The following IQSEC2 variants were observed in gnomAD, a reference collection of about 807,000 sequenced individuals.
The protein encoded by IQSEC2 is IQ motif and SEC7 domain-containing protein 2.
Under a neutral mutation model 74.6 loss-of-function variants are expected in IQSEC2, and 6 were observed. The observed-to-expected ratio is 0.08, with a 90% CI of 0.04 to 0.16. The LOEUF (loss-of-function observed/expected upper bound fraction) is 0.16. Among genes scored for constraint, IQSEC2 ranks in the 10% least tolerant of loss-of-function variants. The probability of loss-of-function intolerance (pLI) is 1.00; values close to 1 mark genes in which losing one functional copy is unlikely to be tolerated. For missense variants in IQSEC2, 734 were observed against 1,306.2 expected (o/e 0.56, Z 6.75); for synonymous variants, 494 against 544.5 (o/e 0.91, Z 1.29).
Position 53,235,091 on chromosome X carries a change from A to G in IQSEC2, c.3595T>C (p.Ser1199Pro). 1.0e-6 allele frequency: 1 copy of G among 979,452 alleles called. No individual in the cohort carries two copies. Among genetic ancestry groups the G allele is most frequent in the Non-Finnish European group, 1.3e-6 (1 of 757,071 alleles). The allele number at this position is 979,452 out of a possible 1,213,427, so 80.7% of individuals were successfully genotyped here. A position where few individuals can be genotyped will look rare whatever the true frequency, so the allele number is the denominator to read the frequency against. Residue 1199 changes from serine (S) to proline (P), a missense_variant, in exon 15 of 15, where the codon TCC (serine) becomes CCC (proline). By Grantham distance (74) the Ser-to-Pro change is moderately conservative (BLOSUM62 -1). Coordinates refer to ENST00000642864, the MANE Select transcript of IQSEC2 (RefSeq NM_001111125.3). Reference sequence around the variant, plus strand: ...GAGCCCAGGAAGGATGAGGAGTTGGAGACGGGCCTCTGGCTCTTGTACTCC... The same window carrying G: ...GAGCCCAGGAAGGATGAGGAGTTGGGGACGGGCCTCTGGCTCTTGTACTCC... ...PEEYKSQRPV[S>P]NSSSFLGSLF...
intron 1 of IQSEC2, among the ~76,000 whole-genome samples, chrX:53,314,857 A>G (rs1019695566): frequency 1.8e-5 from 2 of 111,396 alleles, no homozygotes; most frequent in African/African-American, 3.3e-5. Flanking sequence ...CTAGGAGACC[A>G]TGGCCAAAAT....
Position 53,255,863 on chromosome X carries a change from C to T in IQSEC2, c.936G>A (p.Glu312=), listed in dbSNP as rs2074458569. 1.7e-6 allele frequency: 2 copies of T among 1,203,864 alleles called. No individual in the cohort carries two copies. Among genetic ancestry groups the T allele is most frequent in the African/African-American group, 3.5e-5 (2 of 57,745 alleles). The part of the protein sequence containing the change: ...SVALRKQEEE[E]IKRSKALSDS... ...CCGATAGGGCCTTGGAGCGCTTTAT[C>T]TCCTCCTCCTCCTGCTTCCTCAGGG... Residue 312 remains glutamate, a synonymous_variant, in exon 3 of 15, where the codon GAG becomes GAA. Transcript: ENST00000642864.
intron 1 of IQSEC2, among the ~76,000 whole-genome samples, chrX:53,306,581 C>A (rs1295751873): frequency 9.0e-6 from 1 of 111,599 alleles, no homozygotes; most frequent in Non-Finnish European, 1.9e-5. Context: ...CAGTTTCAGT[C>A]TGGGTTGAAA....
At chrX:53,272,786 A>G (rs962166303) in intron 2 of IQSEC2, among the ~76,000 whole-genome samples, 1 of 111,842 alleles carries the variant, frequency 8.9e-6, no homozygotes, top group South Asian at 3.8e-4. Context: ...TACTCCTCTC[A>G]GCCTTCTCAT....
chrX:53,297,056 G>A (rs1242601350), intron 1 of IQSEC2, among the ~76,000 whole-genome samples: 3 of 108,143 alleles, frequency 2.8e-5, no homozygotes, highest in African/African-American at 1.0e-4. Flanking sequence ...GATGGAGTGC[G>A]GTGGCACAAT....
In IQSEC2 at chrX:53,239,257, G is replaced by A; in HGVS notation, c.3053C>T (p.Thr1018Met). Residue 1018 changes from threonine to methionine, a missense_variant, in exon 11 of 15, where the codon ACG (threonine) becomes ATG (methionine). Coordinates refer to ENST00000642864, the MANE Select transcript of IQSEC2 (RefSeq NM_001111125.3). ...KIFQKKKILV[T>M]YSFRQSFPLV... ...GGGGAAAGACTGACGGAAACTGTAC[G>A]TCACCAAGATCTTCTTCTTCTGGAA... is the stretch of plus-strand genomic sequence containing the variant. 2.5e-6 allele frequency: 3 copies of A among 1,210,087 alleles called. No individual in the cohort carries two copies. Among genetic ancestry groups the A allele is most frequent in the Non-Finnish European group, 2.2e-6 (2 of 894,207 alleles).
chrX:53,312,017 G>A (rs1370419134), intron 1 of IQSEC2, among the ~76,000 whole-genome samples: 3 of 111,473 alleles, frequency 2.7e-5, no homozygotes, highest in Non-Finnish European at 5.7e-5. Flanking sequence ...CAACCCTCCA[G>A]ACTCCCCTGC....
intron 4 of IQSEC2, among the ~76,000 whole-genome samples, chrX:53,252,393 T>C (rs1258284694): frequency 9.5e-5 from 10 of 104,996 alleles, no homozygotes; most frequent in Non-Finnish European, 1.8e-4. Flanking sequence ...AAAAAAAAAC[T>C]GCAAAACATT....
chrX:53,268,266 G>A (rs1257643547), intron 2 of IQSEC2, among the ~76,000 whole-genome samples: 3 of 111,348 alleles, frequency 2.7e-5, no homozygotes, highest in Admixed American at 9.5e-5. Flanking sequence ...GGGAAGGAAC[G>A]CAGACAGGGA....
intron 2 of IQSEC2, among the ~76,000 whole-genome samples, chrX:53,274,452 C>CTTTTTTTTTTTTTT (rs66510453): frequency 4.2e-5 from 2 of 47,113 alleles, no homozygotes; most frequent in African/African-American, 1.9e-4. Flanking sequence ...AGTTACATTT[C>CTTTTTTTTTTTTTT]TTTTTTTTTT....
intron 9 of IQSEC2, among the ~76,000 whole-genome samples, chrX:53,243,113 A>G (rs1429838982): frequency 8.9e-6 from 1 of 112,133 alleles, no homozygotes; most frequent in Non-Finnish European, 1.9e-5. Context: ...GCAAAGCCGG[A>G]GGTGAAAAGG....
In IQSEC2 at chrX:53,250,400, C is replaced by T. The variant is rs1556863005; in HGVS notation, c.2176G>A (p.Ala726Thr). ...SSRDSLREPP[A>T]TGLCKQTYQR... ...TAAGTCTGCTTGCACAGGCCGGTAGCCGGAGGCTCCCTTAGACTGTCCCGA... is the reference window on the plus strand; with the variant it reads ...TAAGTCTGCTTGCACAGGCCGGTAGTCGGAGGCTCCCTTAGACTGTCCCGA... The change falls in exon 5 of 15, where the codon GCT becomes ACT. Residue 726 changes from alanine (A) to threonine (T), a missense_variant. By Grantham distance (58) the Ala-to-Thr change is moderately conservative. This residue lies in a region of IQSEC2 where 204 missense variants were observed against 305.4 expected (regional missense o/e 0.67). Coordinates refer to ENST00000642864, the MANE Select transcript of IQSEC2 (RefSeq NM_001111125.3). 1 of 1,211,738 alleles carries T rather than the reference C, an allele frequency of 8.3e-7. No homozygotes were observed. The highest frequency in any genetic ancestry group is 1.1e-6 in the Non-Finnish European group (1 of 895,371).
intron 4 of IQSEC2, among the ~76,000 whole-genome samples, chrX:53,252,664 G>A (rs1354184358): frequency 1.8e-5 from 2 of 111,519 alleles, no homozygotes; most frequent in Non-Finnish European, 3.8e-5. Flanking sequence ...CAGCTTGACC[G>A]CAGCCTCATG....
At chrX:53,275,257 C>T (rs2074810717) in intron 2 of IQSEC2, among the ~76,000 whole-genome samples, 2 of 110,529 alleles carry the variant, frequency 1.8e-5, no homozygotes, top group Admixed American at 1.9e-4. Context: ...CCTCCACCTC[C>T]CGGGTTTAAG....
intron 2 of IQSEC2, chrX:53,279,476 G>A (rs1422702640): frequency 1.8e-6 from 1 of 550,718 alleles, no homozygotes; most frequent in Non-Finnish European, 3.1e-6. Context: ...CACAGCAGGG[G>A]CTCAGGGAGG....
intron 14 of IQSEC2, 113 bp from the exon 15 acceptor site, chrX:53,235,297 G>T: frequency 1.0e-6 from 1 of 992,994 alleles, no homozygotes; most frequent in Non-Finnish European, 1.4e-6. Context: ...ACCCCAAGTT[G>T]TAATAAAAAC....
At chrX:53,246,887 G>A in intron 8 of IQSEC2, 82 bp downstream of exon 8, 2 of 886,038 alleles carry the variant, frequency 2.3e-6, no homozygotes, top group South Asian at 2.1e-5. Context: ...CCAAGGAACA[G>A]ATGGGATCTC....
At chrX:53,258,512 C>A (rs1305167318) in intron 2 of IQSEC2, among the ~76,000 whole-genome samples, 12 of 111,714 alleles carry the variant, frequency 1.1e-4, no homozygotes, top group African/African-American at 3.6e-4. Flanking sequence ...AGCCTCCGAT[C>A]TCCTCTTCCA....
intron 5 of IQSEC2, 57 bp downstream of exon 5, chrX:53,250,222 C>T: frequency 8.6e-7 from 1 of 1,161,884 alleles, no homozygotes; most frequent in East Asian, 3.0e-5. Flanking sequence ...TCCCAGGAAC[C>T]CAAGTGCATG....
Sources: gnomAD v4.1 joint callset for allele counts (sites outside exome capture counted in the v4.1 genomes callset) on GRCh38, gnomAD v4.1.1 for gene constraint, gnomAD v4.1.1 regional missense constraint, MANE v1.5 for transcripts, NCBI Gene and HGNC (gene_info 2026-07-23, HGNC 2026-07-21) for gene names.